GPR176: variants seen among roughly 807,000 people sequenced by gnomAD.
GPR176 encodes G-protein coupled receptor 176.
Under a neutral mutation model 35.4 loss-of-function variants are expected in GPR176, and 26 were observed. That is an observed-to-expected ratio of 0.74 (90% CI 0.54 to 1.02). GPR176 has a LOEUF of 1.02. Ranked by LOEUF, GPR176 falls within the 50% of genes least tolerant of loss-of-function variation. The pLI, the probability that GPR176 is intolerant of heterozygous loss-of-function variation, is 0.00. For synonymous variants in GPR176, 278 were observed against 271.3 expected (o/e 1.02, Z -0.24); for missense variants, 597 against 665.3 (o/e 0.90, Z 1.13).
At chr15:39,839,609 A>G (rs975929373) in intron 1 of GPR176, among the ~76,000 whole-genome samples, 10 of 152,216 alleles carry the variant, frequency 6.6e-5, no homozygotes, top group Admixed American at 1.3e-4. Flanking sequence ...AATGGCAACA[A>G]AAGCCAAAAT....
intron 1 of GPR176, among the ~76,000 whole-genome samples, chr15:39,915,509 T>C (rs1040042257): frequency 6.6e-6 from 1 of 152,174 alleles, no homozygotes; most frequent in Non-Finnish European, 1.5e-5. Context: ...AAAGGGAATA[T>C]AGCTTAAGAA....
intron 1 of GPR176, among the ~76,000 whole-genome samples, chr15:39,874,737 A>G (rs2032177212): frequency 6.6e-6 from 1 of 152,200 alleles, no homozygotes; most frequent in Non-Finnish European, 1.5e-5. Flanking sequence ...TGTCACAAAA[A>G]TGCTTAAAAA....
intron 1 of GPR176, among the ~76,000 whole-genome samples, chr15:39,903,583 G>GT (rs34778665): frequency 0.26 from 37,983 of 148,530 alleles, 4,979 homozygotes; most frequent in Non-Finnish European, 0.31. Flanking sequence ...CATATGTGAG[G>GT]TTTTTTTTTT....
At chr15:39,867,756 G>A (rs2031888665) in intron 1 of GPR176, among the ~76,000 whole-genome samples, 1 of 152,102 alleles carries the variant, frequency 6.6e-6, no homozygotes, top group Non-Finnish European at 1.5e-5. Context: ...AGAGAAAAGA[G>A]GAAAAGAGTG....
chr15:39,831,514 G>A (rs77626196), intron 1 of GPR176, among the ~76,000 whole-genome samples: 4,238 of 152,142 alleles, frequency 0.028, 136 homozygotes, highest in East Asian at 0.072. Flanking sequence ...GCCCCCAAAT[G>A]TTCCTGCTCC....
intron 1 of GPR176, among the ~76,000 whole-genome samples, chr15:39,876,007 T>C (rs2032231051): frequency 6.6e-6 from 1 of 151,000 alleles, no homozygotes; most frequent in African/African-American, 2.4e-5. Context: ...GTATTTAACC[T>C]GGGTGTGGTG....
intron 1 of GPR176, among the ~76,000 whole-genome samples, chr15:39,917,249 T>C (rs2033749454): frequency 6.6e-6 from 1 of 151,058 alleles, no homozygotes; most frequent in African/African-American, 2.4e-5. Flanking sequence ...GATCCTGCCA[T>C]TGCACTCCAG....
At chr15:39,889,264 T>C (rs1023681731) in intron 1 of GPR176, among the ~76,000 whole-genome samples, 9 of 152,156 alleles carry the variant, frequency 5.9e-5, no homozygotes, top group African/African-American at 1.9e-4. Flanking sequence ...AATTAAAGTA[T>C]TGGCCGGCCA....
intron 1 of GPR176, among the ~76,000 whole-genome samples, chr15:39,889,944 G>A (rs2032811740): frequency 6.6e-6 from 1 of 152,180 alleles, no homozygotes; most frequent in South Asian, 2.1e-4. Context: ...AAGGCCTATT[G>A]CAGAGGTGTT....
intron 1 of GPR176, among the ~76,000 whole-genome samples, chr15:39,858,657 G>A (rs1229109371): frequency 6.6e-6 from 1 of 152,188 alleles, no homozygotes; most frequent in East Asian, 1.9e-4. Context: ...AGGCTGCAGT[G>A]AGCAGTGATC....
chr15:39,857,721 C>A (rs1171095422), intron 1 of GPR176, among the ~76,000 whole-genome samples: 4 of 151,966 alleles, frequency 2.6e-5, no homozygotes, highest in African/African-American at 7.3e-5. Context: ...GTAATCCCAG[C>A]ACTTTGGAAG....
intron 1 of GPR176, among the ~76,000 whole-genome samples, chr15:39,873,567 C>T (rs972467817): frequency 2.0e-5 from 3 of 151,652 alleles, no homozygotes; most frequent in Non-Finnish European, 4.4e-5. Flanking sequence ...TAGGCTCATA[C>T]ATTAGCACCT....
chr15:39,805,411 GA>G (rs567549075), intron 2 of GPR176, among the ~76,000 whole-genome samples: 109 of 144,598 alleles, frequency 7.5e-4, no homozygotes, highest in Admixed American at 1.2e-3. Context: ...AATACTTTTT[GA>G]AAAAAAAAAA....
intron 1 of GPR176, among the ~76,000 whole-genome samples, chr15:39,893,024 G>T (rs2140860960): frequency 6.6e-6 from 1 of 152,162 alleles, no homozygotes; most frequent in African/African-American, 2.4e-5. Flanking sequence ...TTTTAAGGTG[G>T]CTCACCACCC....
intron 1 of GPR176, among the ~76,000 whole-genome samples, chr15:39,826,294 G>A (rs1034988010): frequency 5.3e-5 from 8 of 152,174 alleles, no homozygotes; most frequent in Non-Finnish European, 8.8e-5. Flanking sequence ...AAGGCTAGAA[G>A]TAGAAATGGA....
intron 1 of GPR176, among the ~76,000 whole-genome samples, chr15:39,891,713 C>G (rs187009327): frequency 6.6e-6 from 1 of 152,262 alleles, no homozygotes; most frequent in East Asian, 1.9e-4. Flanking sequence ...GTGGCATATA[C>G]CTGTACTACC....
Position 39,898,166 on chromosome 15 carries a change from C to G in GPR176, c.172+21689G>C, listed in dbSNP as rs527471528. On this transcript the variant is annotated intron_variant, in intron 1 of 2. Coordinates refer to ENST00000561100, the MANE Select transcript of GPR176 (RefSeq NM_007223.3). ...TAATGTCAGTGAATATTGTGTAGAC[C>G]AACTAGAGTAACACACAATGATAAA... Among the ~76,000 whole-genome samples the G allele has an allele frequency of 2.0e-4, 31 of 152,154 alleles. No individual in the cohort carries two copies. The South Asian group carries it at 6.0e-3, about 30-fold the overall frequency.
intron 1 of GPR176, among the ~76,000 whole-genome samples, chr15:39,911,624 T>C (rs901785513): frequency 2.6e-5 from 4 of 152,234 alleles, no homozygotes; most frequent in Non-Finnish European, 4.4e-5. Flanking sequence ...CATGAAGAAA[T>C]GTCTCCATAT....
chr15:39,869,511 C>T (rs1213953259), intron 1 of GPR176, among the ~76,000 whole-genome samples: 1 of 152,174 alleles, frequency 6.6e-6, no homozygotes, highest in Non-Finnish European at 1.5e-5. Context: ...CAGACAAGAG[C>T]CACTTGTCAC....
Sources: gnomAD v4.1 joint callset for allele counts (sites outside exome capture counted in the v4.1 genomes callset) on GRCh38, gnomAD v4.1.1 for gene constraint, MANE v1.5 for transcripts, NCBI Gene and HGNC (gene_info 2026-07-23, HGNC 2026-07-21) for gene names.